Variants in SNX14 observed in about 807,000 individuals in gnomAD.
SNX14 encodes sorting nexin 14, also known as sorting nexin-14.
In SNX14, 93 loss-of-function variants were observed where a neutral mutation model predicts 133.8. The ratio of observed to expected loss-of-function variants is 0.70; its 90% CI spans 0.59 to 0.83. The LOEUF is 0.83. SNX14 is among the 40% of genes least tolerant of loss of function. The pLI is 0.00. For missense variants in SNX14, 945 were observed against 1,094.9 expected, an observed-to-expected ratio of 0.86 and a Z score of 1.93; for synonymous variants, 368 against 365.6, an observed-to-expected ratio of 1.01 and a Z score of -0.07.
intron 1 of SNX14, among the ~76,000 whole-genome samples, chr6:85,582,729 T>C (rs1015935866): frequency 5.3e-5 from 8 of 152,184 alleles, no homozygotes; most frequent in East Asian, 3.8e-4. Flanking sequence ...CAGGAAGAAG[T>C]TGAATCCCTG....
intron 1 of SNX14, chr6:85,588,998 C>A: frequency 2.3e-6 from 1 of 426,614 alleles, no homozygotes; most frequent in Non-Finnish European, 4.6e-6. Flanking sequence ...GCAGAAGTGG[C>A]AGGCACACTC....
At chr6:85,545,903 G>A (rs941606103) in intron 12 of SNX14, among the ~76,000 whole-genome samples, 7 of 152,256 alleles carry the variant, frequency 4.6e-5, no homozygotes, top group South Asian at 2.1e-4. Flanking sequence ...GGTTGGTCTC[G>A]AACTCCTGAC....
chr6:85,586,143 G>A lies in SNX14; in HGVS notation c.140+7436C>T, dbSNP rs989351506. On this transcript the variant is annotated intron_variant, in intron 1 of 28. Transcript: ENST00000314673. ...ACAAATGATCCAGTTTCCTCAACAA[G>A]TCAATGGCAAGGAGAAAAAAATGGT... Among the ~76,000 whole-genome samples the A allele has an allele frequency of 6.6e-5, 10 of 152,092 alleles. No homozygotes were observed. In the East Asian group the frequency reaches 1.5e-3, roughly 23 times the overall value.
chr6:85,514,111 A>C lies in SNX14; in HGVS notation c.2516T>G (p.Phe839Cys). ...GAGTGAGACCAAACGGTGCTCCTGAAATAGCTGTTCTAGTTTACACTGAAG... is the reference window on the plus strand; with the variant it reads ...GAGTGAGACCAAACGGTGCTCCTGACATAGCTGTTCTAGTTTACACTGAAG... ...YYLQCKLEQL[F>C]QEHRLVSLIT... is the part of the protein sequence containing the mutation. The change falls in exon 25 of 29, where the codon TTT becomes TGT. Residue 839 changes from phenylalanine (F) to cysteine (C), a missense_variant. By Grantham distance (205) the Phe-to-Cys change is radical. This residue lies in a region of SNX14 where 412 missense variants were observed against 516.6 expected (regional missense o/e 0.80). Transcript: ENST00000314673. The C allele has an allele frequency of 6.2e-7, 1 of 1,613,786 alleles. No individual in the cohort carries two copies. The highest frequency in any genetic ancestry group is 1.1e-5 in the South Asian group (1 of 90,954).
intron 16 of SNX14, 36 bp downstream of exon 16, chr6:85,538,802 T>A (rs772365729): frequency 5.7e-6 from 9 of 1,571,616 alleles, no homozygotes; most frequent in Admixed American, 3.8e-5. Flanking sequence ...TCTAAAAACA[T>A]TTAATACTGA....
At chr6:85,579,772 A>C (rs1798478057) in intron 1 of SNX14, among the ~76,000 whole-genome samples, 1 of 152,230 alleles carries the variant, frequency 6.6e-6, no homozygotes, top group Non-Finnish European at 1.5e-5. Flanking sequence ...ACCACAGGTT[A>C]AAGTGCTCTG....
intron 21 of SNX14, among the ~76,000 whole-genome samples, chr6:85,521,139 C>T (rs765610277): frequency 3.0e-4 from 46 of 152,152 alleles, no homozygotes; most frequent in Non-Finnish European, 5.7e-4. Flanking sequence ...CGGTGTTTCC[C>T]AAACATGATT....
intron 8 of SNX14, among the ~76,000 whole-genome samples, chr6:85,548,652 A>G (rs552635706): frequency 6.6e-6 from 1 of 152,216 alleles, no homozygotes; most frequent in East Asian, 1.9e-4. Flanking sequence ...CCTTAACAGG[A>G]GGAACTTGGG....
chr6:85,528,910 G>C (rs1010586807), intron 19 of SNX14, among the ~76,000 whole-genome samples: 8 of 114,188 alleles, frequency 7.0e-5, no homozygotes, highest in African/African-American at 1.6e-4. Flanking sequence ...AAATTAGCCA[G>C]GCGTGGTGGT....
At chr6:85,546,701 G>A (rs899172274) in intron 12 of SNX14, among the ~76,000 whole-genome samples, 3 of 152,060 alleles carry the variant, frequency 2.0e-5, no homozygotes, top group Non-Finnish European at 2.9e-5. Context: ...GGTGGCTCAC[G>A]CCTGTAACCC....
intron 7 of SNX14, 66 bp downstream of exon 7, chr6:85,557,910 A>G: frequency 1.2e-6 from 1 of 840,544 alleles, no homozygotes; most frequent in Non-Finnish European, 2.0e-6. Flanking sequence ...TCATATTTAG[A>G]TATTTCGGGT....
chr6:85,512,365 T>C (rs902123809), intron 26 of SNX14, among the ~76,000 whole-genome samples: 7 of 152,110 alleles, frequency 4.6e-5, no homozygotes, highest in Non-Finnish European at 7.4e-5. Flanking sequence ...CTCACGCCTG[T>C]AACCCCAGCA....
chr6:85,526,596 C>T (rs1274108754), intron 20 of SNX14, among the ~76,000 whole-genome samples: 1 of 152,116 alleles, frequency 6.6e-6, no homozygotes, highest in Admixed American at 6.5e-5. Context: ...GGAAGTAAAA[C>T]TAAACATTAG....
intron 21 of SNX14, among the ~76,000 whole-genome samples, chr6:85,522,481 C>G (rs1777209645): frequency 2.6e-5 from 4 of 152,170 alleles, no homozygotes; most frequent in Admixed American, 2.6e-4. Flanking sequence ...AAATTTACAT[C>G]TTTACAATAT....
intron 7 of SNX14, among the ~76,000 whole-genome samples, chr6:85,555,581 A>G (rs1789440213): frequency 6.6e-6 from 1 of 152,238 alleles, no homozygotes; most frequent in Non-Finnish European, 1.5e-5. Flanking sequence ...AAGAAGGATG[A>G]ACAGAGAAAG....
chr6:85,517,877 T>C lies in SNX14; in HGVS notation c.2149-2A>G. ...AAAAGGTTCCAAATGCTGACCTTTC[T>C]GTGGTGATAGATTATTGTAAGAAAA... On this transcript the variant is annotated splice_acceptor_variant, in intron 22 of 28. Coordinates refer to ENST00000314673, the MANE Select transcript of SNX14 (RefSeq NM_153816.6). LOFTEE classifies it high-confidence loss of function. The C allele has an allele frequency of 6.3e-7, 1 of 1,596,714 alleles. No homozygotes were observed. Among genetic ancestry groups the C allele is most frequent in the Non-Finnish European group, 8.5e-7 (1 of 1,175,604 alleles).
chr6:85,593,713 C>T lies in SNX14; in HGVS notation c.6G>A (p.Val2=), dbSNP rs145209805. Residue 2 remains valine, a synonymous_variant, in exon 1 of 29, where the codon GTG becomes GTA. Transcript: ENST00000314673. The stretch of plus-strand genomic sequence containing the variant: ...TCTGCCCCATCGTCCGCACCCAGGG[C>T]ACCATCTCCGTAACGGCGAGGCCGA... The part of the protein sequence containing the change: M[V]PWVRTMGQKL... 2 of 1,613,676 alleles carry T rather than the reference C, an allele frequency of 1.2e-6. No individual in the cohort carries two copies. The highest frequency in any genetic ancestry group is 1.7e-6 in the Non-Finnish European group (2 of 1,179,934).
At position 85,542,014 on chromosome 6, in the gene SNX14, T is replaced by C; in HGVS notation, c.1419A>G (p.Glu473=). ...TCAATTTTGAATTGCGTGTTGGTGA[T>C]TCTGCACCTCTTAAAAGTTGTCTGA... ...EYFRQLLRGA[E]SPTRNSKLNR... The change falls in exon 15 of 29, where the codon GAA becomes GAG. Residue 473 remains glutamate (E), a synonymous_variant. Coordinates refer to ENST00000314673, the MANE Select transcript of SNX14 (RefSeq NM_153816.6). 1 of 1,593,214 alleles carries C rather than the reference T, an allele frequency of 6.3e-7. No individual in the cohort carries two copies. Among genetic ancestry groups the C allele is most frequent in the Non-Finnish European group, 8.5e-7 (1 of 1,170,982 alleles).
intron 21 of SNX14, among the ~76,000 whole-genome samples, chr6:85,524,389 A>C (rs1473672718): frequency 6.6e-6 from 1 of 152,198 alleles, no homozygotes; most frequent in Non-Finnish European, 1.5e-5. Flanking sequence ...TAAGAGAATA[A>C]TATGCAATAA....
Sources: gnomAD v4.1 joint callset for allele counts (sites outside exome capture counted in the v4.1 genomes callset) on GRCh38, gnomAD v4.1.1 for gene constraint, gnomAD v4.1.1 regional missense constraint, MANE v1.5 for transcripts, NCBI Gene and HGNC (gene_info 2026-07-23, HGNC 2026-07-21) for gene names.